CDH8: variants seen among roughly 807,000 people sequenced by gnomAD.
CDH8 encodes cadherin 8.
In CDH8, 17 loss-of-function variants were observed where a neutral mutation model predicts 68.1. The observed-to-expected ratio is 0.25, with a 90% CI of 0.17 to 0.37. The LOEUF is 0.37. CDH8 is among the 10% of genes least tolerant of loss of function. CDH8 has a pLI of 1.00. For synonymous variants in CDH8, 372 were observed against 365.1 expected, an observed-to-expected ratio of 1.02 and a Z score of -0.21; for missense variants, 763 against 999.3, an observed-to-expected ratio of 0.76 and a Z score of 3.19.
chr16:61,918,505 A>G (rs1240621387), intron 2 of CDH8: 9 of 152,624 alleles, frequency 5.9e-5, no homozygotes, highest in Non-Finnish European at 1.0e-4. Flanking sequence ...TCACTTGGGA[A>G]GCGCAAGGGG....
chr16:61,792,229 G>A (rs1404248291), intron 7 of CDH8, among the ~76,000 whole-genome samples: 1 of 151,850 alleles, frequency 6.6e-6, no homozygotes, highest in Non-Finnish European at 1.5e-5. Flanking sequence ...GTGAGTCATA[G>A]GAATTTATAA....
chr16:61,975,195 T>C (rs1965413492), intron 2 of CDH8, among the ~76,000 whole-genome samples: 1 of 151,836 alleles, frequency 6.6e-6, no homozygotes, highest in South Asian at 2.1e-4. Flanking sequence ...TAATGGTCCA[T>C]GGGGTTAGGA....
intron 10 of CDH8, among the ~76,000 whole-genome samples, chr16:61,704,205 C>T (rs1964488813): frequency 6.6e-6 from 1 of 152,148 alleles, no homozygotes; most frequent in South Asian, 2.1e-4. Context: ...TTTACTAAAG[C>T]TTTCTCATTT....
intron 7 of CDH8, among the ~76,000 whole-genome samples, chr16:61,813,468 TG>T (rs1173243405): frequency 6.6e-6 from 1 of 152,276 alleles, no homozygotes; most frequent in African/African-American, 2.4e-5. Flanking sequence ...ATCTCCGGCC[TG>T]CCCCGCAAGT....
intron 4 of CDH8, among the ~76,000 whole-genome samples, chr16:61,846,941 G>A (rs1597014540): frequency 1.3e-5 from 2 of 152,124 alleles, no homozygotes; most frequent in East Asian, 1.9e-4. Context: ...ACTTACAGGC[G>A]CATCTTTATG....
chr16:61,717,027 G>T (rs1402149290), intron 9 of CDH8, among the ~76,000 whole-genome samples: 2 of 151,626 alleles, frequency 1.3e-5, no homozygotes, highest in East Asian at 1.9e-4. Context: ...ACCACGTAGG[G>T]TCCACTGTGA....
intron 2 of CDH8, among the ~76,000 whole-genome samples, chr16:61,930,481 A>G (rs927837518): frequency 1.3e-5 from 2 of 152,170 alleles, no homozygotes; most frequent in Admixed American, 1.3e-4. Flanking sequence ...TTACACTACA[A>G]CTAGATGGCC....
intron 10 of CDH8, among the ~76,000 whole-genome samples, chr16:61,695,996 G>A (rs1333011555): frequency 1.3e-5 from 2 of 152,094 alleles, no homozygotes; most frequent in African/African-American, 4.8e-5. Flanking sequence ...TTTTCCTGCT[G>A]TAAAATTTTA....
chr16:61,769,324 C>T (rs1027722512), intron 8 of CDH8, among the ~76,000 whole-genome samples: 2 of 151,768 alleles, frequency 1.3e-5, no homozygotes, highest in African/African-American at 2.4e-5. Context: ...CACTTTAAGA[C>T]TAATTACTAT....
intron 8 of CDH8, among the ~76,000 whole-genome samples, chr16:61,774,943 T>C (rs1960867714): frequency 1.3e-5 from 2 of 152,160 alleles, no homozygotes; most frequent in Admixed American, 1.3e-4. Context: ...ACACTTACAG[T>C]AGCTTGTATG....
intron 6 of CDH8, among the ~76,000 whole-genome samples, chr16:61,818,527 T>C (rs538997966): frequency 1.3e-5 from 2 of 152,292 alleles, no homozygotes; most frequent in South Asian, 2.1e-4. Flanking sequence ...CATTGCACCA[T>C]TACTGACAAT....
chr16:61,810,307 T>C (rs1449640984), intron 7 of CDH8, among the ~76,000 whole-genome samples: 1 of 152,208 alleles, frequency 6.6e-6, no homozygotes, highest in African/African-American at 2.4e-5. Flanking sequence ...TTTTCAGCTT[T>C]TTGCCTCTAA....
chr16:61,672,351 T>C (rs1963814512), intron 10 of CDH8, among the ~76,000 whole-genome samples: 1 of 152,130 alleles, frequency 6.6e-6, no homozygotes, highest in Non-Finnish European at 1.5e-5. Flanking sequence ...AATATCATAG[T>C]AGACAGTGCC....
chr16:61,992,077 T>TGTGTGTGTGAGAGA lies in CDH8; in HGVS notation c.252+29074_252+29075insTCTCTCACACACAC, dbSNP rs34925928. Among the ~76,000 whole-genome samples the TGTGTGTGTGAGAGA allele has an allele frequency of 2.8e-3, 410 of 144,238 alleles. 5 individuals carry two copies. Among genetic ancestry groups the TGTGTGTGTGAGAGA allele is most frequent in the African/African-American group, 9.7e-3 (374 of 38,446 alleles). 94.6% of individuals were successfully genotyped at this position (144,238 alleles called of 152,430 possible). A position where few individuals can be genotyped will look rare whatever the true frequency, so the allele number is the denominator to read the frequency against. ...GTGTGTGTGTGTGTGTGTGTGTGTG[T>TGTGTGTGTGAGAGA]GAGAGAGAGAGAGAGATTTTTACAG... On this transcript the variant is annotated intron_variant, in intron 2 of 11. Transcript: ENST00000577390.
chr16:61,926,983 C>T (rs909817556), intron 2 of CDH8, among the ~76,000 whole-genome samples: 4 of 152,140 alleles, frequency 2.6e-5, no homozygotes, highest in South Asian at 4.1e-4. Flanking sequence ...CATGAGTCAT[C>T]GCCTGTTATC....
In CDH8 at chr16:61,647,770, T is replaced by G. The variant is rs1343792060; in HGVS notation, c.*5838A>C. ...CCAAGAAATTAACATTTGGCTTTGG[T>G]GACCTCTCATTTCCTTTTCTGGTCC... is the stretch of plus-strand genomic sequence containing the variant. On this transcript the variant is annotated 3_prime_UTR_variant, in exon 12 of 12. Transcript: ENST00000577390. 1 of 698,386 alleles carries G rather than the reference T, an allele frequency of 1.4e-6. No homozygotes were observed. The highest frequency in any genetic ancestry group is 2.6e-6 in the Non-Finnish European group (1 of 382,248). The allele number at this position is 698,386 out of a possible 1,614,324, so 43.3% of individuals were successfully genotyped here. A position where few individuals can be genotyped will look rare whatever the true frequency, so the allele number is the denominator to read the frequency against.
chr16:61,678,319 C>T (rs533533971), intron 10 of CDH8, among the ~76,000 whole-genome samples: 1 of 152,098 alleles, frequency 6.6e-6, no homozygotes, highest in East Asian at 1.9e-4. Flanking sequence ...TTGGTCATGA[C>T]CAATGTTTGG....
chr16:61,942,640 T>C (rs1964742191), intron 2 of CDH8, among the ~76,000 whole-genome samples: 1 of 152,196 alleles, frequency 6.6e-6, no homozygotes, highest in Non-Finnish European at 1.5e-5. Context: ...TACTGCTAGC[T>C]CACAACTCAC....
At chr16:61,830,530 G>A (rs1356014712) in intron 4 of CDH8, among the ~76,000 whole-genome samples, 1 of 151,756 alleles carries the variant, frequency 6.6e-6, no homozygotes, top group African/African-American at 2.4e-5. Flanking sequence ...AGCAAATTTT[G>A]ATGGTGCTAC....
Sources: gnomAD v4.1 joint callset for allele counts (sites outside exome capture counted in the v4.1 genomes callset) on GRCh38, gnomAD v4.1.1 for gene constraint, MANE v1.5 for transcripts, NCBI Gene and HGNC (gene_info 2026-07-23, HGNC 2026-07-21) for gene names.